IGF1R: variants seen among roughly 807,000 people sequenced by gnomAD.
IGF1R encodes insulin-like growth factor 1 receptor.
A neutral mutation model predicts 144.6 loss-of-function variants in IGF1R; 44 were observed. The ratio of observed to expected loss-of-function variants is 0.30; its 90% confidence interval spans 0.24 to 0.39. IGF1R has a LOEUF of 0.39. Among genes scored for constraint, IGF1R ranks in the 10% least tolerant of loss-of-function variants. IGF1R has a pLI of 1.00. For synonymous variants in IGF1R, 795 were observed against 722.8 expected, an observed-to-expected ratio of 1.10 and a Z score of -1.60; for missense variants, 1,355 against 1,833.7, an observed-to-expected ratio of 0.74 and a Z score of 4.77.
chr15:98,688,514 A>G (rs1380275859), intron 1 of IGF1R, among the ~76,000 whole-genome samples: 2 of 151,880 alleles, frequency 1.3e-5, no homozygotes, highest in Non-Finnish European at 1.5e-5. Flanking sequence ...GAATGCTATT[A>G]TAATGCTTTC....
chr15:98,920,904 G>T (rs1273190621), intron 10 of IGF1R, among the ~76,000 whole-genome samples: 3 of 152,158 alleles, frequency 2.0e-5, no homozygotes, highest in African/African-American at 7.2e-5. Flanking sequence ...TCCAGGTTCT[G>T]ACCTAAGGAC....
intron 18 of IGF1R, among the ~76,000 whole-genome samples, chr15:98,942,158 C>T (rs945429778): frequency 1.3e-5 from 2 of 152,092 alleles, no homozygotes; most frequent in Non-Finnish European, 2.9e-5. Flanking sequence ...CCTTATTAAG[C>T]AGTGAAATTA....
At chr15:98,877,489 CTTTTTTT>C (rs5814908) in intron 2 of IGF1R, among the ~76,000 whole-genome samples, 53 of 85,586 alleles carry the variant, frequency 6.2e-4, no homozygotes, top group Non-Finnish European at 1.9e-4. Flanking sequence ...CACTAGCAGC[CTTTTTTT>C]TTTTTTTTTT....
At chr15:98,752,473 G>A (rs2055036223) in intron 2 of IGF1R, among the ~76,000 whole-genome samples, 1 of 152,166 alleles carries the variant, frequency 6.6e-6, no homozygotes, top group Admixed American at 6.5e-5. Context: ...CACAAGGCCA[G>A]GAGATCGAGA....
intron 2 of IGF1R, among the ~76,000 whole-genome samples, chr15:98,805,142 C>G (rs2056444268): frequency 6.6e-6 from 1 of 152,114 alleles, no homozygotes; most frequent in Non-Finnish European, 1.5e-5. Flanking sequence ...TTTAGATGAC[C>G]TCAATCTTGA....
At chr15:98,696,029 T>C (rs976801777) in intron 1 of IGF1R, among the ~76,000 whole-genome samples, 5 of 143,608 alleles carry the variant, frequency 3.5e-5, no homozygotes, top group African/African-American at 5.0e-5. Context: ...TTTTCTTCTT[T>C]TTTTTTTTTT....
intron 20 of IGF1R, among the ~76,000 whole-genome samples, chr15:98,954,868 C>G (rs553630924): frequency 6.6e-6 from 1 of 152,226 alleles, no homozygotes; most frequent in Non-Finnish European, 1.5e-5. Context: ...TTTATCAATG[C>G]AAACCACATC....
intron 6 of IGF1R, among the ~76,000 whole-genome samples, chr15:98,910,968 C>T (rs529099325): frequency 6.1e-4 from 93 of 152,346 alleles, no homozygotes; most frequent in Non-Finnish European, 2.4e-4. Flanking sequence ...CCCTACCAGG[C>T]CCCCTTTCAT....
At chr15:98,779,832 G>T (rs540414141) in intron 2 of IGF1R, among the ~76,000 whole-genome samples, 15 of 152,166 alleles carry the variant, frequency 9.9e-5, no homozygotes, top group Admixed American at 4.6e-4. Context: ...TGTTGGCACA[G>T]GGGTGAAGAT....
At chr15:98,870,785 A>G (rs2012742485) in intron 2 of IGF1R, among the ~76,000 whole-genome samples, 2 of 152,224 alleles carry the variant, frequency 1.3e-5, no homozygotes, top group African/African-American at 2.4e-5. Flanking sequence ...ATACAGGGTC[A>G]GAGAGGGGAA....
At position 98,803,498 on chromosome 15, in the gene IGF1R, T is replaced by TTTTA. The variant is rs3076065; in HGVS notation, c.641-87805_641-87802dup. Among the ~76,000 whole-genome samples the TTTTA allele has an allele frequency of 2.4e-3, 344 of 144,704 alleles. 1 individual carries two copies. The highest frequency in any genetic ancestry group is 7.2e-3 in the African/African-American group (285 of 39,400). The allele number at this position is 144,704 out of a possible 152,430, so 94.9% of individuals were successfully genotyped here. On this transcript the variant is annotated intron_variant, in intron 2 of 20. Coordinates refer to ENST00000650285, the MANE Select transcript of IGF1R (RefSeq NM_000875.5). The stretch of plus-strand genomic sequence containing the variant: ...TAGGCTACACTTAGTGAATATTACA[T>TTTTA]TTTATTTATTTATTTATTTATTTAT...
rs2014368021 is a variant in IGF1R, at chr15:98,899,503, T to C, written c.1129T>C (p.Phe377Leu). The change falls in exon 5 of 21, where the codon TTC becomes CTC. Residue 377 changes from phenylalanine (F) to leucine (L), a missense_variant. Transcript: ENST00000650285. ...GNNIASELEN[F>L]MGLIEVVTGY... ...TAACATTGCTTCAGAGCTGGAGAAC[T>C]TCATGGGGCTCATCGAGGTGGTGAC... 1 of 1,614,074 alleles carries C rather than the reference T, an allele frequency of 6.2e-7. No individual in the cohort carries two copies. The highest frequency in any genetic ancestry group is 8.5e-7 in the Non-Finnish European group (1 of 1,180,028).
chr15:98,943,171 C>T, intron 19 of IGF1R, 119 bp downstream of exon 19: 1 of 1,200,316 alleles, frequency 8.3e-7, no homozygotes, highest in South Asian at 1.2e-5. Context: ...AGCTTTAGCT[C>T]AGTGTTGTGT....
chr15:98,941,238 C>T (rs1015607490), intron 18 of IGF1R, among the ~76,000 whole-genome samples: 6 of 152,230 alleles, frequency 3.9e-5, no homozygotes, highest in Middle Eastern at 6.3e-3. Flanking sequence ...AGGAAAGCAG[C>T]AGCACGTGCC....
At chr15:98,680,673 T>C (rs1319879241) in intron 1 of IGF1R, among the ~76,000 whole-genome samples, 1 of 152,116 alleles carries the variant, frequency 6.6e-6, no homozygotes. Flanking sequence ...CAACTGATTC[T>C]GTTGTGTCAC....
rs565495121 is a variant in IGF1R at position 98,877,328 on chromosome 15, A to G, written c.641-13997A>G. On this transcript the variant is annotated intron_variant, in intron 2 of 20. Transcript: ENST00000650285. ...ACAAACTTAAGATCCAAGGAAGAAAATGGACCCAGGACACGAAGAGAAGTT... is the reference window on the plus strand; with the variant it reads ...ACAAACTTAAGATCCAAGGAAGAAAGTGGACCCAGGACACGAAGAGAAGTT... Among the ~76,000 whole-genome samples the G allele has an allele frequency of 5.3e-5, 8 of 152,286 alleles. No individual in the cohort carries two copies. The East Asian group carries it at 1.2e-3, about 22-fold the overall frequency.
chr15:98,721,035 G>A (rs1466988568), intron 2 of IGF1R, among the ~76,000 whole-genome samples: 2 of 152,226 alleles, frequency 1.3e-5, no homozygotes, highest in South Asian at 2.1e-4. Flanking sequence ...AGTTGGGTGC[G>A]TTCTGCTGTA....
chr15:98,857,928 C>T (rs2011922317), intron 2 of IGF1R, among the ~76,000 whole-genome samples: 2 of 152,224 alleles, frequency 1.3e-5, no homozygotes. Flanking sequence ...AAATGCAACA[C>T]AACCAGTTAA....
In IGF1R at chr15:98,675,818, C is replaced by CGA. The variant is rs1567069968; in HGVS notation, c.94+26143_94+26144insGA. ...ACAATATCTTTTCTTTTTTTTCTTT[C>CGA]TTTCTTTCTTTTTTTTTTTTTTTTT... On this transcript the variant is annotated intron_variant, in intron 1 of 20. Coordinates refer to ENST00000650285, the MANE Select transcript of IGF1R (RefSeq NM_000875.5). 2.8e-3 allele frequency among the ~76,000 whole-genome samples: 331 copies of CGA among 118,678 alleles called. 4 individuals carry two copies. Among genetic ancestry groups the CGA allele is most frequent in the Non-Finnish European group, 2.3e-3 (129 of 57,086 alleles). The allele number at this position is 118,678 out of a possible 152,430, so 77.9% of individuals were successfully genotyped here.
Sources: gnomAD v4.1 joint callset for allele counts (sites outside exome capture counted in the v4.1 genomes callset) on GRCh38, gnomAD v4.1.1 for gene constraint, MANE v1.5 for transcripts, NCBI Gene and HGNC (gene_info 2026-07-23, HGNC 2026-07-21) for gene names.